Variants in TMEM135 observed in about 807,000 individuals in gnomAD.
TMEM135 encodes the protein peroxisomal membrane protein 52.
A neutral mutation model predicts 60.3 loss-of-function variants in TMEM135; 30 were observed. That is an observed-to-expected ratio of 0.50 (90% CI 0.37 to 0.68). TMEM135 has a LOEUF of 0.68. TMEM135 is among the 30% of genes least tolerant of loss of function. TMEM135 has a pLI of 0.00. For synonymous variants in TMEM135, 190 were observed against 186.7 expected, an observed-to-expected ratio of 1.02 and a Z score of -0.14; for missense variants, 468 against 548.8, an observed-to-expected ratio of 0.85 and a Z score of 1.47.
chr11:87,222,576 G>T (rs1466310014), intron 5 of TMEM135, among the ~76,000 whole-genome samples: 1 of 151,738 alleles, frequency 6.6e-6, no homozygotes, highest in African/African-American at 2.4e-5. Context: ...GGCTGAGGCG[G>T]GCGGATCACC....
intron 5 of TMEM135, among the ~76,000 whole-genome samples, chr11:87,166,834 C>T (rs1406373217): frequency 2.6e-5 from 4 of 151,840 alleles, no homozygotes; most frequent in African/African-American, 7.3e-5. Flanking sequence ...TTTTCTAATT[C>T]TGTGAAGAAA....
chr11:87,038,703 T>C (rs1284279363), intron 1 of TMEM135, among the ~76,000 whole-genome samples: 1 of 150,542 alleles, frequency 6.6e-6, no homozygotes, highest in African/African-American at 2.4e-5. Context: ...GACAGGATTG[T>C]GATTTGGGGG....
intron 1 of TMEM135, among the ~76,000 whole-genome samples, chr11:87,041,350 T>C (rs555905774): frequency 1.3e-5 from 2 of 152,072 alleles, no homozygotes; most frequent in South Asian, 4.2e-4. Context: ...GTGTGCATGC[T>C]ATTGAGGTTT....
At chr11:87,183,825 G>A (rs572999135) in intron 5 of TMEM135, among the ~76,000 whole-genome samples, 116 of 151,644 alleles carry the variant, frequency 7.6e-4, no homozygotes, top group East Asian at 4.7e-3. Context: ...GCGTGGTGGC[G>A]GGCGCCTGTA....
At chr11:87,121,638 A>ATTTTTT (rs1565450001) in intron 4 of TMEM135, 2 of 88,470 alleles carry the variant, frequency 2.3e-5, no homozygotes, top group Non-Finnish European at 2.4e-5. Flanking sequence ...TTTTGAATGT[A>ATTTTTT]CTTTTTTTTT....
chr11:87,201,346 A>G (rs1289851012), intron 5 of TMEM135, among the ~76,000 whole-genome samples: 1 of 152,174 alleles, frequency 6.6e-6, no homozygotes, highest in Non-Finnish European at 1.5e-5. Context: ...TTTTTTCTGT[A>G]TGGAAAATAA....
intron 1 of TMEM135, among the ~76,000 whole-genome samples, chr11:87,061,367 A>G (rs1485548050): frequency 1.3e-5 from 2 of 152,194 alleles, no homozygotes; most frequent in Non-Finnish European, 2.9e-5. Context: ...ACATCCTTCA[A>G]TGCATAGGAC....
At chr11:87,236,732 T>G in intron 6 of TMEM135, 48 bp downstream of exon 6, 2 of 1,545,492 alleles carry the variant, frequency 1.3e-6, no homozygotes, top group Non-Finnish European at 1.8e-6. Flanking sequence ...ACAGTATCTC[T>G]TTGTAATTTC....
chr11:87,089,606 T>G (rs113075943), intron 3 of TMEM135, among the ~76,000 whole-genome samples: 52 of 152,250 alleles, frequency 3.4e-4, no homozygotes, highest in African/African-American at 1.1e-3. Flanking sequence ...AGAAATATTT[T>G]TATTTTGGAA....
Position 87,325,111 on chromosome 11 carries a change from T to C in TMEM135, c.*3778T>C, listed in dbSNP as rs1334534719. On this transcript the variant is annotated 3_prime_UTR_variant, in exon 15 of 15. Transcript: ENST00000305494. ...CTTGTGGAATTAACAAAGAAAGGAG[T>C]GTCAAGGACTGAGATGACCCTCAGA... is the stretch of plus-strand genomic sequence containing the variant. 1 of 453,380 alleles carries C rather than the reference T, an allele frequency of 2.2e-6. No individual in the cohort carries two copies. Among genetic ancestry groups the C allele is most frequent in the Non-Finnish European group, 4.4e-6 (1 of 226,754 alleles). The allele number at this position is 453,380 out of a possible 1,614,324, so 28.1% of individuals were successfully genotyped here. A position where few individuals can be genotyped will look rare whatever the true frequency, so the allele number is the denominator to read the frequency against.
chr11:87,139,562 A>G (rs1938206113), intron 4 of TMEM135, among the ~76,000 whole-genome samples: 2 of 152,180 alleles, frequency 1.3e-5, no homozygotes, highest in South Asian at 4.1e-4. Flanking sequence ...TTGGGTAGAT[A>G]CCTAGGGATA....
At chr11:87,083,215 G>C (rs1857026666) in intron 3 of TMEM135, among the ~76,000 whole-genome samples, 1 of 152,120 alleles carries the variant, frequency 6.6e-6, no homozygotes, top group South Asian at 2.1e-4. Context: ...GTTGTTTCCA[G>C]GGTTGCTTAA....
At chr11:87,071,697 T>TG in intron 3 of TMEM135, 82 bp downstream of exon 3, 1 of 908,478 alleles carries the variant, frequency 1.1e-6, no homozygotes, top group Non-Finnish European at 1.7e-6. Flanking sequence ...TAATTATCAC[T>TG]TACAGGGATG....
chr11:87,119,655 C>T (rs749244001), intron 4 of TMEM135, among the ~76,000 whole-genome samples: 16 of 152,180 alleles, frequency 1.1e-4, no homozygotes, highest in Non-Finnish European at 1.9e-4. Flanking sequence ...GAGCTGAGAT[C>T]GTGCCACTGC....
At chr11:87,110,109 G>A (rs1343727223) in intron 4 of TMEM135, among the ~76,000 whole-genome samples, 3 of 152,160 alleles carry the variant, frequency 2.0e-5, no homozygotes, top group Non-Finnish European at 4.4e-5. Context: ...CTGAGTGGCA[G>A]TGTACCCACT....
At chr11:87,109,526 A>G (rs373463536) in intron 4 of TMEM135, among the ~76,000 whole-genome samples, 12 of 152,258 alleles carry the variant, frequency 7.9e-5, no homozygotes, top group South Asian at 4.2e-4. Context: ...GCATGAGGAG[A>G]TGAAGTGAGG....
chr11:87,170,605 A>G (rs747602290), intron 5 of TMEM135, among the ~76,000 whole-genome samples: 3 of 152,198 alleles, frequency 2.0e-5, no homozygotes, highest in East Asian at 1.9e-4. Context: ...TTGCATGGGT[A>G]TTCACCAGCT....
chr11:87,314,689 T>C, intron 12 of TMEM135, 142 bp downstream of exon 12: 1 of 689,992 alleles, frequency 1.4e-6, no homozygotes, highest in Non-Finnish European at 2.5e-6. Context: ...TTCCCCTGTG[T>C]TTTTCTTTGT....
Position 87,327,151 on chromosome 11 carries a change from G to T in TMEM135, c.*5818G>T. 1 of 453,940 alleles carries T rather than the reference G, an allele frequency of 2.2e-6. No individual in the cohort carries two copies. Among genetic ancestry groups the T allele is most frequent in the South Asian group, 1.6e-5 (1 of 64,464 alleles). 28.1% of individuals were successfully genotyped at this position (453,940 alleles called of 1,614,324 possible). On this transcript the variant is annotated 3_prime_UTR_variant, in exon 15 of 15. Transcript: ENST00000305494. Reference sequence around the variant, plus strand: ...TTTTCCAACCAGCCTTTACTCGGAGGTGTTCATGTGACCCTGTTTTGGCCA... The same window carrying T: ...TTTTCCAACCAGCCTTTACTCGGAGTTGTTCATGTGACCCTGTTTTGGCCA...
Sources: gnomAD v4.1 joint callset for allele counts (sites outside exome capture counted in the v4.1 genomes callset) on GRCh38, gnomAD v4.1.1 for gene constraint, MANE v1.5 for transcripts, NCBI Gene and HGNC (gene_info 2026-07-23, HGNC 2026-07-21) for gene names.